The following STARD10 variants were observed in gnomAD, a reference collection of about 807,000 sequenced individuals.
The protein encoded by STARD10 is START domain-containing protein 10.
STARD10 carries 24 observed loss-of-function variants against 36.0 expected under a neutral mutation model. The observed-to-expected ratio is 0.67, with a 90% CI of 0.48 to 0.94. The LOEUF is 0.94. Among genes scored for constraint, STARD10 ranks in the 40% least tolerant of loss-of-function variants. The pLI is 0.00. For synonymous variants in STARD10, 156 were observed against 161.9 expected (o/e 0.96, Z 0.28); for missense variants, 335 against 396.6 (o/e 0.84, Z 1.32).
At chr11:72,765,430 C>T (rs1387495727) in intron 2 of STARD10, among the ~76,000 whole-genome samples, 1 of 152,092 alleles carries the variant, frequency 6.6e-6, no homozygotes, top group East Asian at 1.9e-4. Context: ...CTGCACTCCA[C>T]AGCTCCCCAA....
intron 4 of STARD10, 29 bp downstream of exon 4, chr11:72,758,501 T>G (rs200289727): frequency 5.1e-6 from 8 of 1,564,714 alleles, no homozygotes; most frequent in Non-Finnish European, 7.0e-6. Flanking sequence ...TCTCCCCTGC[T>G]CCACCGCAGG....
At position 72,781,199 on chromosome 11, in the gene STARD10, C is replaced by T; in HGVS notation, c.-18G>A. 2.5e-6 allele frequency: 4 copies of T among 1,603,026 alleles called. No homozygotes were observed. The highest frequency in any genetic ancestry group is 3.4e-6 in the Non-Finnish European group (4 of 1,177,782). On this transcript the variant is annotated 5_prime_UTR_variant, in exon 2 of 7. Coordinates refer to ENST00000334805, the MANE Select transcript of STARD10 (RefSeq NM_006645.3). This position sits in a 1 kb window ranked among gnomAD's most constrained non-coding sequence, Gnocchi z 4.7. ...TTCTCCATGGGGAGTGTGGGGAGGC[C>T]CAGGGCCCTGGTCCTAGTCCGGCTC...
At chr11:72,764,961 G>A (rs1409400267) in intron 2 of STARD10, among the ~76,000 whole-genome samples, 2 of 152,162 alleles carry the variant, frequency 1.3e-5, no homozygotes, top group Non-Finnish European at 2.9e-5. Flanking sequence ...GACATGCAGT[G>A]GTATTACATT....
intron 1 of STARD10, among the ~76,000 whole-genome samples, chr11:72,786,915 A>T (rs1481984096): frequency 2.0e-5 from 3 of 151,942 alleles, no homozygotes; most frequent in African/African-American, 7.3e-5. Context: ...CGCCATCTCT[A>T]CAAAAAAATG....
At chr11:72,771,496 C>T (rs1565241754) in intron 2 of STARD10, among the ~76,000 whole-genome samples, 1 of 152,172 alleles carries the variant, frequency 6.6e-6, no homozygotes, top group Non-Finnish European at 1.5e-5. Context: ...CTACCTCCAA[C>T]TCATCTTCTT....
At chr11:72,763,757 G>A (rs1016206091) in intron 2 of STARD10, among the ~76,000 whole-genome samples, 5 of 152,320 alleles carry the variant, frequency 3.3e-5, no homozygotes, top group South Asian at 2.1e-4. Context: ...GACAGAGGCC[G>A]GATCTGGCAT....
rs762199277 is a variant in STARD10 at position 72,754,924 on chromosome 11, GC to G, written c.848del (p.Gly283AlafsTer60). The G allele has an allele frequency of 6.2e-7, 1 of 1,600,366 alleles. No homozygotes were observed. Among genetic ancestry groups the G allele is most frequent in the South Asian group, 1.1e-5 (1 of 90,394 alleles). ...EERMGGAGGEGSDDDTSLT is the reference protein window; with the variant it reads ...EERMGGAGGEXSDDDTSLT ...AGGTGAGCGAGGTGTCGTCGTCGCTGCCCTCGCCGCCCGCGCCGCCCATCCG... is the reference window on the plus strand; with the variant it reads ...AGGTGAGCGAGGTGTCGTCGTCGCTGCCTCGCCGCCCGCGCCGCCCATCCG... On this transcript the variant is annotated frameshift_variant, in exon 7 of 7. Transcript: ENST00000334805. LOFTEE classifies it high-confidence loss of function.
chr11:72,775,631 T>C (rs1242455976), intron 2 of STARD10, among the ~76,000 whole-genome samples: 3 of 152,154 alleles, frequency 2.0e-5, no homozygotes, highest in Non-Finnish European at 4.4e-5. Context: ...CCAAGGCTGA[T>C]TCAGATGCCC....
chr11:72,754,889 T>C lies in STARD10; in HGVS notation c.*8A>G, dbSNP rs374979691. On this transcript the variant is annotated 3_prime_UTR_variant, in exon 7 of 7. Transcript: ENST00000334805. ...GGTCCTGTCTCCGTCCCTGAAGCGGTGCGGCGCTCAGGTGAGCGAGGTGTC... is the reference window on the plus strand; with the variant it reads ...GGTCCTGTCTCCGTCCCTGAAGCGGCGCGGCGCTCAGGTGAGCGAGGTGTC... 300 of 1,595,332 alleles carry C rather than the reference T, an allele frequency of 1.9e-4. 2 individuals carry two copies. The African/African-American group carries it at 3.6e-3, about 19-fold the overall frequency.
In STARD10 at chr11:72,761,917, C is replaced by CTTTTTTTTTTTTTTTTTTTT. The variant is rs1189000490; in HGVS notation, c.208-2556_208-2537dup. Among the ~76,000 whole-genome samples the CTTTTTTTTTTTTTTTTTTTT allele has an allele frequency of 1.2e-3, 45 of 37,472 alleles. 3 individuals are homozygous for CTTTTTTTTTTTTTTTTTTTT. Among genetic ancestry groups the CTTTTTTTTTTTTTTTTTTTT allele is most frequent in the Admixed American group, 1.6e-3 (5 of 3,168 alleles). 24.6% of individuals were successfully genotyped at this position (37,472 alleles called of 152,430 possible). A position where few individuals can be genotyped will look rare whatever the true frequency, so the allele number is the denominator to read the frequency against. ...TCTGTATTTCTTTTTCTTTTCTTTTCTTTTTTTTTTTTTTTTTTTTTTTTT... is the reference window on the plus strand; with the variant it reads ...TCTGTATTTCTTTTTCTTTTCTTTTCTTTTTTTTTTTTTTTTTTTTTTTTTTTTTTTTTTTTTTTTTTTTT... On this transcript the variant is annotated intron_variant, in intron 2 of 6. Transcript: ENST00000334805.
Position 72,755,723 on chromosome 11 carries a change from G to T in STARD10, c.608C>A (p.Ser203Tyr). The change falls in exon 6 of 7, where the codon TCT becomes TAT. Residue 203 changes from serine (S) to tyrosine (Y), a missense_variant. Physicochemically the swap from Ser to Tyr is moderately radical, Grantham distance 144. Coordinates refer to ENST00000334805, the MANE Select transcript of STARD10 (RefSeq NM_006645.3). Reference sequence around the variant, plus strand: ...CACCTTGGGAGCCAGGAACTGAGAAGATTTATTCACCACCCACTTGGGTAA... The same window carrying T: ...CACCTTGGGAGCCAGGAACTGAGAATATTTATTCACCACCCACTTGGGTAA... ...GSLPKWVVNK[S>Y]SQFLAPKAMK... 2.5e-6 allele frequency: 4 copies of T among 1,613,826 alleles called. No individual in the cohort carries two copies. Among genetic ancestry groups the T allele is most frequent in the Non-Finnish European group, 3.4e-6 (4 of 1,179,870 alleles).
At chr11:72,768,240 C>A (rs1460955914) in intron 2 of STARD10, among the ~76,000 whole-genome samples, 1 of 152,126 alleles carries the variant, frequency 6.6e-6, no homozygotes, top group South Asian at 2.1e-4. Flanking sequence ...CGAGCCCCAG[C>A]GCCAGTGCCC....
rs987557964 is a variant in STARD10 at position 72,757,759 on chromosome 11, G to A, written c.577+8C>T. 2 of 1,612,956 alleles carry A rather than the reference G, an allele frequency of 1.2e-6. No individual in the cohort carries two copies. The highest frequency in any genetic ancestry group is 2.7e-5 in the African/African-American group (2 of 74,902). ...TCCCATGATAGGCTGCCAGGGCCAA[G>A]CCCTCACCTTTGGGGTCCACCTGGG... On this transcript the variant is annotated splice_region_variant and intron_variant, in intron 5 of 6. Coordinates refer to ENST00000334805, the MANE Select transcript of STARD10 (RefSeq NM_006645.3).
chr11:72,768,090 G>C (rs1858815103), intron 2 of STARD10, among the ~76,000 whole-genome samples: 1 of 152,100 alleles, frequency 6.6e-6, no homozygotes, highest in Non-Finnish European at 1.5e-5. Context: ...GCACAGCGAG[G>C]GGGTGGGCAG....
intron 2 of STARD10, among the ~76,000 whole-genome samples, chr11:72,773,886 C>G (rs1858897079): frequency 1.3e-5 from 2 of 152,210 alleles, no homozygotes; most frequent in Non-Finnish European, 2.9e-5. Flanking sequence ...TGGTTTGCCC[C>G]TAAATTCCTA....
intron 2 of STARD10, among the ~76,000 whole-genome samples, chr11:72,771,353 G>C (rs907196028): frequency 1.3e-5 from 2 of 152,130 alleles, no homozygotes; most frequent in African/African-American, 4.8e-5. Flanking sequence ...GGGTTGGAAG[G>C]ACACAGAGCA....
At chr11:72,761,800 C>T (rs1218899665) in intron 2 of STARD10, among the ~76,000 whole-genome samples, 4 of 151,414 alleles carry the variant, frequency 2.6e-5, no homozygotes, top group African/African-American at 4.9e-5. Flanking sequence ...AAAATATACG[C>T]ATAGAGGAAG....
chr11:72,774,741 G>A (rs887836693), intron 2 of STARD10, among the ~76,000 whole-genome samples: 20 of 152,228 alleles, frequency 1.3e-4, no homozygotes, highest in African/African-American at 3.4e-4. Flanking sequence ...CCTGCTCCTC[G>A]GGAACAAACT....
At chr11:72,785,084 CT>C (rs1479968936) in intron 1 of STARD10, among the ~76,000 whole-genome samples, 3 of 152,140 alleles carry the variant, frequency 2.0e-5, no homozygotes, top group Non-Finnish European at 1.5e-5. Flanking sequence ...TCACTACCCC[CT>C]GATGGCTGTT....
Sources: gnomAD v4.1 joint callset for allele counts (sites outside exome capture counted in the v4.1 genomes callset) on GRCh38, gnomAD v4.1.1 for gene constraint, Gnocchi (gnomAD v3.1) non-coding constraint, MANE v1.5 for transcripts, NCBI Gene and HGNC (gene_info 2026-07-23, HGNC 2026-07-21) for gene names.